Variants in MMP26 observed in about 807,000 individuals in gnomAD.
MMP26 encodes matrix metallopeptidase 26.
A neutral mutation model predicts 31.0 loss-of-function variants in MMP26; 33 were observed. The observed-to-expected ratio is 1.06, with a 90% confidence interval of 0.81 to 1.42. The LOEUF (loss-of-function observed/expected upper bound fraction) is 1.42. Among genes scored for constraint, MMP26 ranks in the 40% most tolerant of loss-of-function variants. The probability of loss-of-function intolerance (pLI) is 0.00; values close to 1 mark genes in which losing one functional copy is unlikely to be tolerated. For synonymous variants in MMP26, 122 were observed against 114.9 expected, an observed-to-expected ratio of 1.06 and a Z score of -0.40; for missense variants, 347 against 316.1, an observed-to-expected ratio of 1.10 and a Z score of -0.74.
At chr11:4,855,697 A>T (rs907538267) in intron 2 of MMP26, among the ~76,000 whole-genome samples, 1 of 152,192 alleles carries the variant, frequency 6.6e-6, no homozygotes, top group African/African-American at 2.4e-5. Flanking sequence ...GCAGACCAAC[A>T]TTCAAATTCA....
chr11:4,950,086 A>G (rs1846357368), intron 2 of MMP26, among the ~76,000 whole-genome samples: 1 of 124,076 alleles, frequency 8.1e-6, no homozygotes, highest in African/African-American at 2.7e-5. Flanking sequence ...TACAATAGAT[A>G]GAGCAATTTA....
At chr11:4,741,643 G>T (rs1221567323) in intron 1 of MMP26, among the ~76,000 whole-genome samples, 1 of 128,464 alleles carries the variant, frequency 7.8e-6, no homozygotes, top group Non-Finnish European at 1.6e-5. Flanking sequence ...CATGAGGCCT[G>T]TTGGGGGTGG....
intron 2 of MMP26, among the ~76,000 whole-genome samples, chr11:4,917,172 A>T (rs1589938660): frequency 7.2e-5 from 11 of 152,058 alleles, no homozygotes; most frequent in Admixed American, 7.2e-4. Context: ...TGAATAAGTT[A>T]TTTTTTATTT....
intron 2 of MMP26, among the ~76,000 whole-genome samples, chr11:4,884,685 T>A (rs1451600943): frequency 6.6e-6 from 1 of 152,124 alleles, no homozygotes; most frequent in Non-Finnish European, 1.5e-5. Flanking sequence ...TTTTGAAGAC[T>A]TTTCTAAAAG....
intron 1 of MMP26, among the ~76,000 whole-genome samples, chr11:4,726,362 T>A (rs1012260019): frequency 4.0e-5 from 6 of 151,714 alleles, no homozygotes; most frequent in African/African-American, 7.3e-5. Context: ...ACTCGAAGGC[T>A]GAGGCACGAG....
intron 1 of MMP26, among the ~76,000 whole-genome samples, chr11:4,718,209 C>A (rs1478202237): frequency 2.0e-5 from 3 of 152,148 alleles, no homozygotes; most frequent in Non-Finnish European, 4.4e-5. Flanking sequence ...TAAAAGCTAG[C>A]GTAATTCAAT....
intron 2 of MMP26, among the ~76,000 whole-genome samples, chr11:4,836,651 CTT>C (rs71480270): frequency 5.9e-3 from 569 of 95,832 alleles, no homozygotes; most frequent in African/African-American, 0.024. Context: ...TCAAAGACAT[CTT>C]TTTTTTTTTT....
At chr11:4,771,595 GAATTA>G (rs1031701539) in intron 2 of MMP26, among the ~76,000 whole-genome samples, 4 of 152,116 alleles carry the variant, frequency 2.6e-5, no homozygotes, top group African/African-American at 7.2e-5. Flanking sequence ...ATTCTGGGGA[GAATTA>G]AATTAAATAA....
At chr11:4,979,334 C>T (rs1449907311) in intron 2 of MMP26, among the ~76,000 whole-genome samples, 1 of 152,066 alleles carries the variant, frequency 6.6e-6, no homozygotes. Context: ...ATTTTAACAC[C>T]ATTATACACA....
At chr11:4,867,412 A>G (rs1056894721) in intron 2 of MMP26, among the ~76,000 whole-genome samples, 43 of 49,328 alleles carry the variant, frequency 8.7e-4, no homozygotes, top group Admixed American at 6.5e-3. Context: ...TTTTTTTTTG[A>G]TGGAGTCTCT....
At chr11:4,723,924 G>T (rs10836532) in intron 1 of MMP26, 297,555 of 918,146 alleles carry the variant, frequency 0.32, 50,430 homozygotes, top group African/African-American at 0.48. Context: ...TGGCCTGGAT[G>T]TTGGGATCTA....
At chr11:4,814,219 C>T (rs763257385) in intron 2 of MMP26, among the ~76,000 whole-genome samples, 1 of 152,116 alleles carries the variant, frequency 6.6e-6, no homozygotes, top group Non-Finnish European at 1.5e-5. Context: ...ACTAGACCTC[C>T]TTTTGAGCGA....
intron 3 of MMP26, among the ~76,000 whole-genome samples, chr11:4,988,927 A>G (rs1846948191): frequency 6.6e-6 from 1 of 152,250 alleles, no homozygotes; most frequent in Non-Finnish European, 1.5e-5. Flanking sequence ...AAACAAAGGC[A>G]TAAAAATGCA....
intron 2 of MMP26, among the ~76,000 whole-genome samples, chr11:4,964,090 G>A (rs1173620402): frequency 6.6e-6 from 1 of 151,986 alleles, no homozygotes; most frequent in Admixed American, 6.6e-5. Context: ...AGTTTCTTTT[G>A]CTGTGCAGAA....
chr11:4,911,767 A>G (rs1023669195), intron 2 of MMP26, among the ~76,000 whole-genome samples: 19 of 152,088 alleles, frequency 1.2e-4, no homozygotes, highest in Admixed American at 1.2e-3. Context: ...TTACCCCACT[A>G]TGTTTCCTTC....
At chr11:4,963,915 T>C (rs994887430) in intron 2 of MMP26, among the ~76,000 whole-genome samples, 1 of 152,220 alleles carries the variant, frequency 6.6e-6, no homozygotes, top group African/African-American at 2.4e-5. Flanking sequence ...ATGTCTTCTT[T>C]TGAGAAGTAT....
intron 2 of MMP26, among the ~76,000 whole-genome samples, chr11:4,841,021 C>G (rs1849786637): frequency 6.6e-6 from 1 of 152,154 alleles, no homozygotes; most frequent in South Asian, 2.1e-4. Flanking sequence ...GATTGGCATA[C>G]TGAAGAATGC....
At position 4,731,949 on chromosome 11, in the gene MMP26, T is replaced by C. The variant is rs151262577; in HGVS notation, c.-217+26904T>C. 2.2e-4 allele frequency among the ~76,000 whole-genome samples: 34 copies of C among 152,302 alleles called. No individual in the cohort carries two copies. The East Asian group carries it at 6.0e-3, about 27-fold the overall frequency. On this transcript the variant is annotated intron_variant, in intron 1 of 7. Coordinates refer to ENST00000380390, the MANE Select transcript of MMP26 (RefSeq NM_021801.5). ...CTTTATCTGGGTATGGGGTTCTCTG[T>C]TCCTCCTGGATGTTGCCAGTGAGTT...
intron 2 of MMP26, among the ~76,000 whole-genome samples, chr11:4,976,039 C>G (rs1846732446): frequency 6.6e-6 from 1 of 151,950 alleles, no homozygotes; most frequent in Admixed American, 6.6e-5. Flanking sequence ...TTAGAAAATG[C>G]TATGGCTTTC....
Sources: allele counts gnomAD v4.1 joint callset (sites outside exome capture counted in the v4.1 genomes callset), GRCh38; gene constraint gnomAD v4.1.1; transcripts MANE v1.5; gene names NCBI Gene and HGNC (gene_info 2026-07-23, HGNC 2026-07-21).